The following CCDC192 variants were observed in gnomAD, a reference collection of about 807,000 sequenced individuals.
CCDC192 encodes the protein coiled-coil domain containing 192, also known as coiled-coil domain-containing protein 192.
intron 6 of CCDC192, among the ~76,000 whole-genome samples, chr5:127,906,493 C>T (rs1753196739): frequency 6.6e-6 from 1 of 152,142 alleles, no homozygotes; most frequent in African/African-American, 2.4e-5. Flanking sequence ...GGTGTACAAA[C>T]ATCTATTTGA....
At chr5:127,826,901 A>G (rs1175981650) in intron 5 of CCDC192, among the ~76,000 whole-genome samples, 1 of 152,184 alleles carries the variant, frequency 6.6e-6, no homozygotes, top group Non-Finnish European at 1.5e-5. Flanking sequence ...TGTTCTGACC[A>G]TGCCTTGGTG....
rs1754062365 is a variant in CCDC192 at position 127,750,257 on chromosome 5, A to G, written c.115-4011A>G. Among the ~76,000 whole-genome samples, 8 of 152,202 alleles carry G rather than the reference A, an allele frequency of 5.3e-5. No individual in the cohort carries two copies. In the South Asian group the frequency reaches 1.7e-3, roughly 32 times the overall value. ...CTTTCTCTTGTGGGCATTTAGTGCTATAAATTTCCCTCTACACACTGCTTT... is the reference window on the plus strand; with the variant it reads ...CTTTCTCTTGTGGGCATTTAGTGCTGTAAATTTCCCTCTACACACTGCTTT... On this transcript the variant is annotated intron_variant, in intron 2 of 6. Transcript: ENST00000514853.
At chr5:127,931,396 G>C (rs1754026041) in intron 6 of CCDC192, among the ~76,000 whole-genome samples, 2 of 152,224 alleles carry the variant, frequency 1.3e-5, no homozygotes, top group South Asian at 4.1e-4. Flanking sequence ...AATTAAAGCA[G>C]CGGGGCTGGG....
intron 1 of CCDC192, among the ~76,000 whole-genome samples, chr5:127,706,324 C>T (rs189756018): frequency 3.2e-4 from 49 of 151,910 alleles, no homozygotes; most frequent in African/African-American, 1.0e-3. Flanking sequence ...GTTAAGAGAT[C>T]GAGACCATCC....
At chr5:127,802,453 T>G (rs1419158198) in intron 5 of CCDC192, among the ~76,000 whole-genome samples, 1 of 152,148 alleles carries the variant, frequency 6.6e-6, no homozygotes, top group African/African-American at 2.4e-5. Context: ...GACCCCCAAG[T>G]GCACCCTGCA....
At chr5:127,742,069 T>C (rs1409779407) in intron 2 of CCDC192, among the ~76,000 whole-genome samples, 1 of 152,214 alleles carries the variant, frequency 6.6e-6, no homozygotes, top group Admixed American at 6.5e-5. Context: ...GCATATTAAC[T>C]ACGTCTGCCT....
intron 2 of CCDC192, among the ~76,000 whole-genome samples, chr5:127,744,051 G>A (rs1338650205): frequency 1.4e-5 from 2 of 140,054 alleles, no homozygotes; most frequent in Non-Finnish European, 3.0e-5. Flanking sequence ...CCGAGGTTGC[G>A]CCACTGCACT....
intron 5 of CCDC192, among the ~76,000 whole-genome samples, chr5:127,814,156 G>C (rs1758230983): frequency 6.6e-6 from 1 of 152,134 alleles, no homozygotes; most frequent in Admixed American, 6.5e-5. Context: ...TCAGGAGTAG[G>C]GGAGAATGCA....
intron 2 of CCDC192, among the ~76,000 whole-genome samples, chr5:127,731,082 T>G (rs963193172): frequency 6.6e-6 from 1 of 152,198 alleles, no homozygotes; most frequent in African/African-American, 2.4e-5. Flanking sequence ...ACTGTCTCTA[T>G]TTGAAGATGA....
chr5:127,824,257 A>T (rs1447528370), intron 5 of CCDC192, among the ~76,000 whole-genome samples: 1 of 152,204 alleles, frequency 6.6e-6, no homozygotes, highest in East Asian at 1.9e-4. Flanking sequence ...GAAAGGAAAG[A>T]AAAAGGATAG....
chr5:127,826,088 C>A (rs1169748821), intron 5 of CCDC192, among the ~76,000 whole-genome samples: 1 of 152,072 alleles, frequency 6.6e-6, no homozygotes, highest in East Asian at 1.9e-4. Context: ...GCTCAAACTG[C>A]AAATTGTTTA....
intron 5 of CCDC192, among the ~76,000 whole-genome samples, chr5:127,807,702 A>G (rs1282093338): frequency 6.6e-6 from 1 of 152,058 alleles, no homozygotes; most frequent in African/African-American, 2.4e-5. Flanking sequence ...GGCCATTTCA[A>G]CCAGAGAGCT....
intron 6 of CCDC192, among the ~76,000 whole-genome samples, chr5:127,898,118 T>G (rs1214582917): frequency 6.6e-6 from 1 of 152,148 alleles, no homozygotes; most frequent in East Asian, 1.9e-4. Context: ...TCCAGTTTTT[T>G]TTTTTTTGAG....
chr5:127,838,150 C>G (rs1750115920), intron 5 of CCDC192, among the ~76,000 whole-genome samples: 1 of 152,196 alleles, frequency 6.6e-6, no homozygotes, highest in Non-Finnish European at 1.5e-5. Flanking sequence ...TCCCTGACTC[C>G]TACAATGCCT....
intron 6 of CCDC192, among the ~76,000 whole-genome samples, chr5:127,898,143 T>C (rs1389387650): frequency 6.6e-6 from 1 of 152,032 alleles, no homozygotes. Flanking sequence ...AGTTTTACTC[T>C]TGTTGCCCAG....
intron 1 of CCDC192, among the ~76,000 whole-genome samples, chr5:127,706,986 A>G (rs920218768): frequency 6.6e-6 from 1 of 152,142 alleles, no homozygotes; most frequent in South Asian, 2.1e-4. Context: ...TATTTCAGAG[A>G]GAGAGTGATA....
At chr5:127,846,516 C>T (rs908532215) in intron 5 of CCDC192, among the ~76,000 whole-genome samples, 1 of 151,988 alleles carries the variant, frequency 6.6e-6, no homozygotes, top group Non-Finnish European at 1.5e-5. Context: ...GTCACCTAGG[C>T]TGGCATGCAA....
At chr5:127,749,042 T>C (rs1247127232) in intron 2 of CCDC192, among the ~76,000 whole-genome samples, 1 of 152,216 alleles carries the variant, frequency 6.6e-6, no homozygotes, top group African/African-American at 2.4e-5. Flanking sequence ...TATACAATCA[T>C]GTCATCTGCA....
At chr5:127,803,845 C>A (rs1283296619) in intron 5 of CCDC192, among the ~76,000 whole-genome samples, 1 of 152,222 alleles carries the variant, frequency 6.6e-6, no homozygotes, top group African/African-American at 2.4e-5. Context: ...ATTCTCTATA[C>A]TGTCCTGTAT....
Sources: gnomAD v4.1 joint callset for allele counts (sites outside exome capture counted in the v4.1 genomes callset) on GRCh38, gnomAD v4.1.1 for gene constraint, MANE v1.5 for transcripts, NCBI Gene and HGNC (gene_info 2026-07-23, HGNC 2026-07-21) for gene names.